SOCS5: variants seen among roughly 807,000 people sequenced by gnomAD.
The protein encoded by SOCS5 is CIS-6.
A neutral mutation model predicts 42.8 loss-of-function variants in SOCS5; 32 were observed. That is an observed-to-expected ratio of 0.75 (90% CI 0.56 to 1.01). SOCS5 has a LOEUF of 1.01. Among genes scored for constraint, SOCS5 ranks in the 50% least tolerant of loss-of-function variants. The pLI is 0.00. For synonymous variants in SOCS5, 283 were observed against 229.6 expected (o/e 1.23, Z -2.10); for missense variants, 627 against 653.0 (o/e 0.96, Z 0.43).
In SOCS5 at chr2:46,760,072, A is replaced by T; in HGVS notation, c.1542A>T (p.Leu514Phe). The T allele has an allele frequency of 5.0e-6, 8 of 1,614,060 alleles. No homozygotes were observed. Among genetic ancestry groups the T allele is most frequent in the Non-Finnish European group, 6.8e-6 (8 of 1,179,950 alleles). The part of the protein sequence containing the change: ...LPLPSMLQDF[L>F]KEYHYKQKVR... ...TACCCTCAATGTTACAGGATTTTTT[A>T]AAAGAGTATCATTATAAACAAAAAG... Residue 514 changes from leucine (L) to phenylalanine (F), a missense_variant, in exon 2 of 2, where the codon TTA becomes TTT. This residue lies in a region of SOCS5 where 340 missense variants were observed against 367.6 expected (regional missense o/e 0.92). Transcript: ENST00000394861.
intron 1 of SOCS5, among the ~76,000 whole-genome samples, chr2:46,746,986 C>G (rs968092903): frequency 2.6e-5 from 2 of 77,674 alleles, no homozygotes; most frequent in Middle Eastern, 0.029. Context: ...ATCTCTTGTT[C>G]TGGCCATCAG....
chr2:46,706,511 A>G (rs866938698), intron 1 of SOCS5, among the ~76,000 whole-genome samples: 16 of 152,222 alleles, frequency 1.1e-4, no homozygotes, highest in Non-Finnish European at 1.0e-4. Flanking sequence ...TTGATTTTTA[A>G]GGAAAGCTAG....
Position 46,723,087 on chromosome 2 carries a change from T to A in SOCS5, c.-13+23638T>A, listed in dbSNP as rs79003843. Among the ~76,000 whole-genome samples, 1,172 of 152,214 alleles carry A rather than the reference T, an allele frequency of 7.7e-3. 24 individuals carry two copies. Among genetic ancestry groups the A allele is most frequent in the African/African-American group, 0.027 (1,117 of 41,572 alleles). On this transcript the variant is annotated intron_variant, in intron 1 of 1. Transcript: ENST00000394861. ...TGTCAGATATGTCATTTGCCAATAT[T>A]TTCTCCCAGTCTATACTTTGCTTTT...
intron 1 of SOCS5, among the ~76,000 whole-genome samples, chr2:46,706,468 C>T (rs117578404): frequency 6.6e-6 from 1 of 152,156 alleles, no homozygotes; most frequent in Non-Finnish European, 1.5e-5. Context: ...TATCTAAATA[C>T]TTTGAGAGGA....
chr2:46,715,785 T>C (rs1298417811), intron 1 of SOCS5, among the ~76,000 whole-genome samples: 1 of 152,214 alleles, frequency 6.6e-6, no homozygotes, highest in Non-Finnish European at 1.5e-5. Flanking sequence ...TTGTGTGGCT[T>C]TTTGGAAGTT....
intron 1 of SOCS5, among the ~76,000 whole-genome samples, chr2:46,726,539 T>C (rs1672994583): frequency 6.6e-6 from 1 of 152,212 alleles, no homozygotes; most frequent in Non-Finnish European, 1.5e-5. Context: ...CCTTTCAGGA[T>C]ACCAGTGACA....
chr2:46,703,102 T>C (rs1200939250), intron 1 of SOCS5, among the ~76,000 whole-genome samples: 4 of 152,272 alleles, frequency 2.6e-5, no homozygotes, highest in African/African-American at 9.6e-5. Flanking sequence ...TCTCACATAA[T>C]GTCTTTTAAT....
At chr2:46,725,958 G>A (rs1015343567) in intron 1 of SOCS5, among the ~76,000 whole-genome samples, 2 of 151,440 alleles carry the variant, frequency 1.3e-5, no homozygotes, top group Admixed American at 6.6e-5. Context: ...AAATTTATAG[G>A]CAGTCAAATT....
intron 1 of SOCS5, among the ~76,000 whole-genome samples, chr2:46,717,414 G>C (rs4953414): frequency 0.64 from 97,024 of 152,010 alleles, 31,930 homozygotes; most frequent in African/African-American, 0.79. Context: ...CTACTTGTTT[G>C]TAACTGCAGG....
chr2:46,740,501 T>G (rs1050275788), intron 1 of SOCS5, among the ~76,000 whole-genome samples: 2 of 152,134 alleles, frequency 1.3e-5, no homozygotes, highest in Middle Eastern at 3.2e-3. Flanking sequence ...GATTGGCAGT[T>G]AAGTATTGGA....
chr2:46,736,347 T>G (rs1453325143), intron 1 of SOCS5, among the ~76,000 whole-genome samples: 2 of 152,160 alleles, frequency 1.3e-5, no homozygotes, highest in Admixed American at 6.5e-5. Flanking sequence ...CTGGCTCATT[T>G]TAACCATTTT....
intron 1 of SOCS5, among the ~76,000 whole-genome samples, chr2:46,756,079 C>T (rs1251101448): frequency 6.6e-6 from 1 of 152,156 alleles, no homozygotes; most frequent in Non-Finnish European, 1.5e-5. Flanking sequence ...TGTGCCCTGG[C>T]AAGTACAAAT....
Position 46,759,987 on chromosome 2 carries a change from A to G in SOCS5, c.1457A>G (p.Tyr486Cys), listed in dbSNP as rs776901251. ...LNRTFPFSLQ[Y>C]ICRAVICRCT... ...AGGACTTTCCCTTTTAGCCTGCAGT[A>G]TATCTGTCGCGCGGTAATCTGCAGG... Residue 486 changes from tyrosine to cysteine, a missense_variant, in exon 2 of 2, where the codon TAT becomes TGT. Around this residue, in one of 3 missense-constraint regions of SOCS5, gnomAD observed 340 missense variants for 367.6 expected, o/e 0.92. Coordinates refer to ENST00000394861, the MANE Select transcript of SOCS5 (RefSeq NM_144949.3). The G allele has an allele frequency of 5.6e-6, 9 of 1,613,976 alleles. No homozygotes were observed. The highest frequency in any genetic ancestry group is 3.3e-4 in the Middle Eastern group (2 of 6,084).
intron 1 of SOCS5, among the ~76,000 whole-genome samples, chr2:46,723,852 A>T (rs1235872079): frequency 3.3e-5 from 5 of 152,066 alleles, no homozygotes; most frequent in Admixed American, 6.5e-5. Flanking sequence ...TGTAGATCAG[A>T]TGAGAAGAAT....
At chr2:46,726,750 T>C (rs1022606641) in intron 1 of SOCS5, among the ~76,000 whole-genome samples, 1 of 149,776 alleles carries the variant, frequency 6.7e-6, no homozygotes, top group East Asian at 2.0e-4. Context: ...TTATTATTAT[T>C]ATTATTATTA....
At chr2:46,711,812 A>G (rs1316049674) in intron 1 of SOCS5, among the ~76,000 whole-genome samples, 1 of 152,196 alleles carries the variant, frequency 6.6e-6, no homozygotes, top group Non-Finnish European at 1.5e-5. Flanking sequence ...TTGCCCCCAT[A>G]TAGATAGCTA....
chr2:46,749,862 A>T (rs1302306559), intron 1 of SOCS5, among the ~76,000 whole-genome samples: 1 of 152,210 alleles, frequency 6.6e-6, no homozygotes, highest in Non-Finnish European at 1.5e-5. Flanking sequence ...TACATAGGAA[A>T]GTGACATTTG....
intron 1 of SOCS5, among the ~76,000 whole-genome samples, chr2:46,722,139 G>A (rs1052604911): frequency 2.0e-5 from 3 of 151,908 alleles, no homozygotes; most frequent in Non-Finnish European, 2.9e-5. Context: ...GTGTTTAGTT[G>A]ATATTAAGTG....
At chr2:46,736,186 T>C (rs770447103) in intron 1 of SOCS5, among the ~76,000 whole-genome samples, 4 of 151,986 alleles carry the variant, frequency 2.6e-5, no homozygotes, top group Non-Finnish European at 5.9e-5. Context: ...GGATTGTAGG[T>C]GTGTGCCACC....
Sources: gnomAD v4.1 joint callset for allele counts (sites outside exome capture counted in the v4.1 genomes callset) on GRCh38, gnomAD v4.1.1 for gene constraint, gnomAD v4.1.1 regional missense constraint, MANE v1.5 for transcripts, NCBI Gene and HGNC (gene_info 2026-07-23, HGNC 2026-07-21) for gene names.